Variants in IGSF21 observed in about 807,000 individuals in gnomAD.
IGSF21 encodes the protein immunoglobulin superfamily member 21.
IGSF21 carries 28 observed loss-of-function variants against 46.8 expected under a neutral mutation model. The observed-to-expected ratio is 0.60, with a 90% CI of 0.44 to 0.82. The LOEUF (loss-of-function observed/expected upper bound fraction) is 0.82. Ranked by LOEUF, IGSF21 falls within the 40% of genes least tolerant of loss-of-function variation. IGSF21 has a pLI of 0.00. For synonymous variants in IGSF21, 284 were observed against 273.6 expected (o/e 1.04, Z -0.38); for missense variants, 624 against 665.5 (o/e 0.94, Z 0.69).
chr1:18,330,446 T>C lies in IGSF21; in HGVS notation c.306-4446T>C, dbSNP rs537577930. Among the ~76,000 whole-genome samples the C allele has an allele frequency of 4.6e-5, 7 of 152,338 alleles. No individual in the cohort carries two copies. In the South Asian group the frequency reaches 1.0e-3, roughly 23 times the overall value. ...CTTATCCAAAATACAAATTTTATTT[T>C]TTTAGAAAATAACTTGGCTCATGGG... On this transcript the variant is annotated intron_variant, in intron 3 of 9. Coordinates refer to ENST00000251296, the MANE Select transcript of IGSF21 (RefSeq NM_032880.5).
intron 2 of IGSF21, among the ~76,000 whole-genome samples, chr1:18,249,306 T>C (rs1042940086): frequency 6.6e-6 from 1 of 152,138 alleles, no homozygotes; most frequent in African/African-American, 2.4e-5. Context: ...TGAGGGCAGC[T>C]GCAGCCATTC....
At chr1:18,146,318 T>G (rs1557556534) in intron 1 of IGSF21, among the ~76,000 whole-genome samples, 1 of 152,118 alleles carries the variant, frequency 6.6e-6, no homozygotes, top group African/African-American at 2.4e-5. Context: ...GATGGTCCCT[T>G]CCTCTGCTTT....
chr1:18,254,796 A>G (rs895733919), intron 2 of IGSF21, among the ~76,000 whole-genome samples: 2 of 152,192 alleles, frequency 1.3e-5, no homozygotes, highest in African/African-American at 4.8e-5. Flanking sequence ...GTCAATGCTT[A>G]TAGCCTATAA....
At chr1:18,347,575 C>T (rs2085907187) in intron 4 of IGSF21, among the ~76,000 whole-genome samples, 1 of 152,198 alleles carries the variant, frequency 6.6e-6, no homozygotes, top group Non-Finnish European at 1.5e-5. Context: ...ACTGAGTCTG[C>T]TAATAAAAGG....
intron 1 of IGSF21, among the ~76,000 whole-genome samples, chr1:18,133,840 G>A (rs569682344): frequency 1.2e-4 from 19 of 152,364 alleles, no homozygotes; most frequent in African/African-American, 4.1e-4. Context: ...GTAGGGGCTC[G>A]TGAATATTTA....
At chr1:18,151,463 G>A (rs2086521682) in intron 1 of IGSF21, among the ~76,000 whole-genome samples, 1 of 152,146 alleles carries the variant, frequency 6.6e-6, no homozygotes, top group South Asian at 2.1e-4. Flanking sequence ...TCACATGGAG[G>A]CTCTGACCTA....
At position 18,365,983 on chromosome 1, in the gene IGSF21, A is replaced by C. The variant is rs1391035934; in HGVS notation, c.1015+286A>C. ...GATAGGGTCAGGGACACAGGAGATC[A>C]GGGGAGGTCAGAGGAGTTCCTGGAT... On this transcript the variant is annotated intron_variant, in intron 6 of 9. Coordinates refer to ENST00000251296, the MANE Select transcript of IGSF21 (RefSeq NM_032880.5). This position sits in a 1 kb window ranked among gnomAD's most constrained non-coding sequence, Gnocchi z 4.8. Among the ~76,000 whole-genome samples the C allele has an allele frequency of 2.0e-5, 3 of 152,126 alleles. No homozygotes were observed. The highest frequency in any genetic ancestry group is 7.2e-5 in the African/African-American group (3 of 41,432).
intron 3 of IGSF21, among the ~76,000 whole-genome samples, chr1:18,313,941 C>A (rs1025362003): frequency 6.6e-6 from 1 of 152,096 alleles, no homozygotes; most frequent in Non-Finnish European, 1.5e-5. Context: ...TTATTACAGC[C>A]GTCTCAGGAA....
chr1:18,224,656 T>C (rs748446730), intron 1 of IGSF21, among the ~76,000 whole-genome samples: 1 of 152,120 alleles, frequency 6.6e-6, no homozygotes, highest in Non-Finnish European at 1.5e-5. Context: ...TTGTTTTTCA[T>C]GCATAAAGGA....
Position 18,291,957 on chromosome 1 carries a change from G to T in IGSF21, c.275G>T (p.Arg92Leu). ...NYSHMENYRK[R>L]EDLVYQSTVR... Reference sequence around the variant, plus strand: ...TCACACATGGAGAACTACCGCAAGCGAGAGGACCTGGTGTACCAGTCCACT... The same window carrying T: ...TCACACATGGAGAACTACCGCAAGCTAGAGGACCTGGTGTACCAGTCCACT... The change falls in exon 3 of 10, where the codon CGA becomes CTA. Residue 92 changes from arginine (R) to leucine (L), a missense_variant. By Grantham distance (102) the Arg-to-Leu change is moderately radical (BLOSUM62 -2). Transcript: ENST00000251296. The T allele has an allele frequency of 6.2e-7, 1 of 1,613,996 alleles. No homozygotes were observed. Among genetic ancestry groups the T allele is most frequent in the South Asian group, 1.1e-5 (1 of 91,044 alleles).
At chr1:18,200,004 G>A (rs1557584537) in intron 1 of IGSF21, among the ~76,000 whole-genome samples, 1 of 152,072 alleles carries the variant, frequency 6.6e-6, no homozygotes, top group East Asian at 2.0e-4. Flanking sequence ...TCCAGACAAA[G>A]ACCCCAAGCC....
At chr1:18,144,453 C>T (rs1390181043) in intron 1 of IGSF21, among the ~76,000 whole-genome samples, 1 of 152,218 alleles carries the variant, frequency 6.6e-6, no homozygotes, top group African/African-American at 2.4e-5. Context: ...AGCTGTTGGG[C>T]TCTGCCCCTG....
rs140976583 is a variant in IGSF21 at position 18,262,356 on chromosome 1, G to C, written c.184-29510G>C. ...TGGCAGCAAGTGGACACGTGAGGAC[G>C]GATGGGATGAACACTGTGGCATCTG... is the stretch of plus-strand genomic sequence containing the variant. On this transcript the variant is annotated intron_variant, in intron 2 of 9. Coordinates refer to ENST00000251296, the MANE Select transcript of IGSF21 (RefSeq NM_032880.5). Among the ~76,000 whole-genome samples, 1,265 of 152,300 alleles carry C rather than the reference G, an allele frequency of 8.3e-3. 12 individuals are homozygous for C. The highest frequency in any genetic ancestry group is 0.014 in the Non-Finnish European group (955 of 68,014).
intron 1 of IGSF21, among the ~76,000 whole-genome samples, chr1:18,137,824 G>A (rs1161107236): frequency 2.0e-5 from 3 of 151,994 alleles, no homozygotes; most frequent in South Asian, 2.1e-4. Context: ...TCTTCTAAGC[G>A]CTTATAAATA....
intron 2 of IGSF21, among the ~76,000 whole-genome samples, chr1:18,286,072 C>A: frequency 6.6e-6 from 1 of 152,180 alleles, no homozygotes; most frequent in East Asian, 1.9e-4. Flanking sequence ...AACTGAGTGG[C>A]AGAGCTGGGA....
intron 3 of IGSF21, among the ~76,000 whole-genome samples, chr1:18,325,082 CAG>C (rs1402783002): frequency 1.3e-5 from 2 of 152,302 alleles, no homozygotes; most frequent in African/African-American, 2.4e-5. Context: ...CAGGGAAAGA[CAG>C]AGAGTGCATC....
At chr1:18,118,942 T>G (rs11587305) in intron 1 of IGSF21, among the ~76,000 whole-genome samples, 1,518 of 143,914 alleles carry the variant, frequency 0.011, 25 homozygotes, top group African/African-American at 0.036. Context: ...CTTCTTTCCT[T>G]CTTTCCTTGT....
At chr1:18,260,947 G>C (rs1352348736) in intron 2 of IGSF21, among the ~76,000 whole-genome samples, 1 of 152,248 alleles carries the variant, frequency 6.6e-6, no homozygotes, top group Non-Finnish European at 1.5e-5. Context: ...GAGGTATGCA[G>C]AGTGAGGGAG....
chr1:18,147,410 C>T (rs4920438), intron 1 of IGSF21, among the ~76,000 whole-genome samples: 16,036 of 152,008 alleles, frequency 0.11, 1,449 homozygotes, highest in African/African-American at 0.24. Flanking sequence ...GAGCTTCCTC[C>T]GCTTGGATCA....
Sources: allele counts gnomAD v4.1 joint callset (sites outside exome capture counted in the v4.1 genomes callset), GRCh38; gene constraint gnomAD v4.1.1; non-coding constraint Gnocchi (gnomAD v3.1); transcripts MANE v1.5; gene names NCBI Gene and HGNC (gene_info 2026-07-23, HGNC 2026-07-21).